The following PBRM1 variants were observed in gnomAD, a reference collection of about 807,000 sequenced individuals.
The protein encoded by PBRM1 is polybromo 1.
Under a neutral mutation model 194.5 loss-of-function variants are expected in PBRM1, and 27 were observed. The ratio of observed to expected loss-of-function variants is 0.14; its 90% CI spans 0.10 to 0.19. The LOEUF (loss-of-function observed/expected upper bound fraction) is 0.19. PBRM1 is among the 10% of genes least tolerant of loss of function. The probability of loss-of-function intolerance (pLI) is 1.00; values close to 1 mark genes in which losing one functional copy is unlikely to be tolerated. For missense variants in PBRM1, 1,466 were observed against 2,077.2 expected, an observed-to-expected ratio of 0.71 and a Z score of 5.72; for synonymous variants, 655 against 693.2, an observed-to-expected ratio of 0.94 and a Z score of 0.87.
intron 13 of PBRM1, 87 bp from the exon 15 acceptor site, chr3:52,625,028 G>A: frequency 1.1e-6 from 1 of 888,890 alleles, no homozygotes; most frequent in Non-Finnish European, 1.8e-6. Flanking sequence ...TATGGTTGAA[G>A]AAAAAGATTA....
intron 17 of PBRM1, among the ~76,000 whole-genome samples, chr3:52,596,809 C>A (rs948876615): frequency 6.6e-6 from 1 of 152,102 alleles, no homozygotes; most frequent in Non-Finnish European, 1.5e-5. Context: ...GGAGGGGTGG[C>A]GCAAGTACTC....
chr3:52,555,775 A>G (rs1456379113), intron 26 of PBRM1, among the ~76,000 whole-genome samples: 3 of 152,258 alleles, frequency 2.0e-5, no homozygotes. Context: ...GTGTACCTAC[A>G]CATGACAAAA....
At chr3:52,584,059 T>C (rs1166949228) in intron 20 of PBRM1, among the ~76,000 whole-genome samples, 3 of 152,214 alleles carry the variant, frequency 2.0e-5, no homozygotes, top group Non-Finnish European at 2.9e-5. Flanking sequence ...CAAAGCTCTC[T>C]TTCATACCCC....
chr3:52,648,221 T>A (rs2096384250), intron 7 of PBRM1, 123 bp downstream of exon 8: 1 of 612,956 alleles, frequency 1.6e-6, no homozygotes, highest in East Asian at 2.9e-5. Context: ...TTAAACACTT[T>A]TAATGGGTAA....
Position 52,550,647 on chromosome 3 carries a change from C to A in PBRM1, c.4681-10G>T, listed in dbSNP as rs2153380211. ...GCCCCAAAACTCCCACCTGAAAGAG[C>A]ACAGGACCACATGGTGAGGCAAAAA... is the stretch of plus-strand genomic sequence containing the variant. On this transcript the variant is annotated splice_polypyrimidine_tract_variant and intron_variant, in intron 28 of 29. Coordinates refer to ENST00000296302, the Ensembl canonical transcript of PBRM1. 1 of 1,551,226 alleles carries A rather than the reference C, an allele frequency of 6.4e-7. No individual in the cohort carries two copies. The highest frequency in any genetic ancestry group is 1.9e-5 in the Admixed American group (1 of 51,812).
intron 5 of PBRM1, among the ~76,000 whole-genome samples, chr3:52,656,405 T>C (rs2096607991): frequency 6.6e-6 from 1 of 152,220 alleles, no homozygotes; most frequent in South Asian, 2.1e-4. Flanking sequence ...AGCTCATGTC[T>C]GTAATCCCAG....
intron 3 of PBRM1, among the ~76,000 whole-genome samples, chr3:52,668,127 T>A (rs1578090655): frequency 1.3e-5 from 2 of 152,102 alleles, no homozygotes; most frequent in Non-Finnish European, 2.9e-5. Context: ...GAAACCCTGG[T>A]CTCTACAAAA....
At chr3:52,629,555 T>C (rs1000547881) in intron 11 of PBRM1, among the ~76,000 whole-genome samples, 1 of 152,212 alleles carries the variant, frequency 6.6e-6, no homozygotes, top group Admixed American at 6.5e-5. Context: ...AAAAGAGAGA[T>C]AGATATGTCA....
intron 13 of PBRM1, among the ~76,000 whole-genome samples, chr3:52,626,821 T>C (rs1261680231): frequency 6.6e-6 from 1 of 152,208 alleles, no homozygotes; most frequent in East Asian, 1.9e-4. Flanking sequence ...ATGCTTAAAA[T>C]GGCAAATAAA....
At chr3:52,652,001 A>G (rs1159227898) in intron 5 of PBRM1, among the ~76,000 whole-genome samples, 191 bp from the exon 7 acceptor site, 1 of 152,246 alleles carries the variant, frequency 6.6e-6, no homozygotes, top group Non-Finnish European at 1.5e-5. Flanking sequence ...AAGAAGCTTC[A>G]TGATCTATCC....
Position 52,609,452 on chromosome 3 carries a change from C to T in PBRM1, c.2428G>A (p.Val810Met), listed in dbSNP as rs1043720625. ...GGTTTGTTAGGAAAGTTGGGATCCA[C>T]AGCAGGAATTTCTGCTAAAGAATCG... The change falls in exon 16 of 30, where the codon GTG becomes ATG. Residue 810 changes from valine to methionine, a missense_variant. This residue lies in a region of PBRM1 where 687 missense variants were observed against 946.2 expected (regional missense o/e 0.73). Transcript: ENST00000296302. The surrounding 1 kb of genome is among the most constrained non-coding windows in gnomAD (Gnocchi z 4.1). 5 of 1,613,952 alleles carry T rather than the reference C, an allele frequency of 3.1e-6. No homozygotes were observed. The African/African-American group carries it at 6.7e-5, about 22-fold the overall frequency.
chr3:52,584,459 T>TTTTTTTTTC, intron 20 of PBRM1, among the ~76,000 whole-genome samples: 1 of 137,230 alleles, frequency 7.3e-6, no homozygotes, highest in African/African-American at 2.8e-5. Context: ...GCTTTTTTTT[T>TTTTTTTTTC]TTTTTTTTTT....
At chr3:52,678,194 T>C (rs2097145429) in intron 2 of PBRM1, among the ~76,000 whole-genome samples, 1 of 152,134 alleles carries the variant, frequency 6.6e-6, no homozygotes, top group Non-Finnish European at 1.5e-5. Flanking sequence ...GTCATACTCC[T>C]TGGATCAAGC....
At chr3:52,685,609 C>A (rs2097300826) in intron 1 of PBRM1, 140 bp downstream of exon 1, 1 of 148,572 alleles carries the variant, frequency 6.7e-6, no homozygotes, top group Non-Finnish European at 1.5e-5. Flanking sequence ...CCCCGCCCAA[C>A]CCCGCGCGCC....
chr3:52,613,182 T>C (rs2094740904), intron 15 of PBRM1, among the ~76,000 whole-genome samples: 1 of 152,188 alleles, frequency 6.6e-6, no homozygotes. Flanking sequence ...ATATTACAGA[T>C]GCATACTGAA....
chr3:52,608,851 TA>T (rs942565120), intron 16 of PBRM1, among the ~76,000 whole-genome samples: 434 of 143,172 alleles, frequency 3.0e-3, no homozygotes, highest in Non-Finnish European at 2.8e-3. Context: ...AACCTGAGAT[TA>T]AAAAAAAAAA....
Position 52,599,018 on chromosome 3 carries a change from C to CAA in PBRM1, c.2779+4501_2779+4502dup, listed in dbSNP as rs59170143. Among the ~76,000 whole-genome samples the CAA allele has an allele frequency of 4.5e-4, 51 of 114,320 alleles. 1 individual carries two copies. The highest frequency in any genetic ancestry group is 4.0e-3 in the East Asian group (16 of 4,034). The allele number at this position is 114,320 out of a possible 152,430, so 75.0% of individuals were successfully genotyped here. On this transcript the variant is annotated intron_variant, in intron 17 of 29. Coordinates refer to ENST00000296302, the Ensembl canonical transcript of PBRM1. ...GCCTCAGCAACAGTGCCAGATATCTCAAAAAAAAAAAAAAAAAAAAAAAAA... is the reference window on the plus strand; with the variant it reads ...GCCTCAGCAACAGTGCCAGATATCTCAAAAAAAAAAAAAAAAAAAAAAAAAAA...
chr3:52,643,693 C>T (rs1246914393), intron 8 of PBRM1, among the ~76,000 whole-genome samples: 2 of 152,052 alleles, frequency 1.3e-5, no homozygotes, highest in African/African-American at 2.4e-5. Flanking sequence ...CAGTCCTGGC[C>T]GGGCGCAGTG....
chr3:52,595,019 G>A (rs1342075734), intron 17 of PBRM1, among the ~76,000 whole-genome samples: 1 of 152,052 alleles, frequency 6.6e-6, no homozygotes. Flanking sequence ...TCTAGTGATT[G>A]TGTGTCTTGG....
Sources: allele counts gnomAD v4.1 joint callset (sites outside exome capture counted in the v4.1 genomes callset), GRCh38; gene constraint gnomAD v4.1.1; regional missense constraint gnomAD v4.1.1; non-coding constraint Gnocchi (gnomAD v3.1); transcripts MANE v1.5; gene names NCBI Gene and HGNC (gene_info 2026-07-23, HGNC 2026-07-21).